Variants in TAS2R1 observed in about 807,000 individuals in gnomAD.
TAS2R1 encodes taste receptor type 2 member 1.
For missense variants in TAS2R1, 370 were observed against 353.4 expected, an observed-to-expected ratio of 1.05 and a Z score of -0.38; for synonymous variants, 141 against 134.2, an observed-to-expected ratio of 1.05 and a Z score of -0.35.
chr5:9,662,983 G>A (rs914463238), intron 1 of TAS2R1, among the ~76,000 whole-genome samples: 1 of 152,142 alleles, frequency 6.6e-6, no homozygotes, highest in Non-Finnish European at 1.5e-5. Flanking sequence ...CAAAGCTGTG[G>A]TAGTTAGGGC....
chr5:9,824,865 G>T, the TAS2R1 span, among the ~76,000 whole-genome samples: 1 of 150,920 alleles, frequency 6.6e-6, no homozygotes, highest in Admixed American at 6.6e-5. Flanking sequence ...AAAAGGCAGG[G>T]GGGAAGAGAA....
the TAS2R1 span, chr5:9,883,314 C>T: frequency 6.6e-6 from 1 of 152,188 alleles, no homozygotes; most frequent in Non-Finnish European, 1.5e-5. Context: ...TGTGGCAAAA[C>T]ACCATGGCAC....
At chr5:9,892,536 T>C in the TAS2R1 span, among the ~76,000 whole-genome samples, 1 of 152,114 alleles carries the variant, frequency 6.6e-6, no homozygotes, top group Non-Finnish European at 1.5e-5. Flanking sequence ...ACCAACTACA[T>C]AACAACCTCA....
the TAS2R1 span, among the ~76,000 whole-genome samples, chr5:9,811,826 G>A: frequency 2.0e-5 from 3 of 152,074 alleles, no homozygotes; most frequent in Non-Finnish European, 4.4e-5. Context: ...GGGCCCTTAT[G>A]ATGTGTTTCT....
At chr5:9,860,523 C>G in the TAS2R1 span, among the ~76,000 whole-genome samples, 197 of 152,326 alleles carry the variant, frequency 1.3e-3, no homozygotes, top group African/African-American at 4.5e-3. Flanking sequence ...AAGGAAGCTC[C>G]CTTTCAGTCA....
At chr5:9,879,798 C>T in the TAS2R1 span, among the ~76,000 whole-genome samples, 1 of 152,162 alleles carries the variant, frequency 6.6e-6, no homozygotes, top group African/African-American at 2.4e-5. Flanking sequence ...GAAATGTCTA[C>T]AGCTTTCCCC....
chr5:9,812,441 G>A, the TAS2R1 span, among the ~76,000 whole-genome samples: 1 of 152,066 alleles, frequency 6.6e-6, no homozygotes, highest in African/African-American at 2.4e-5. Flanking sequence ...TCCAGCAGAT[G>A]ATTGGGCTCT....
the TAS2R1 span, among the ~76,000 whole-genome samples, chr5:9,899,067 C>T: frequency 6.6e-6 from 1 of 152,150 alleles, no homozygotes; most frequent in Non-Finnish European, 1.5e-5. Flanking sequence ...GCCAACTAAC[C>T]ACCCTTAGGA....
chr5:9,895,251 A>G, the TAS2R1 span, among the ~76,000 whole-genome samples: 4 of 152,258 alleles, frequency 2.6e-5, no homozygotes, highest in Admixed American at 6.5e-5. Flanking sequence ...TGGAAAGCCA[A>G]CACATGAGGA....
intron 2 of TAS2R1, among the ~76,000 whole-genome samples, chr5:9,656,283 A>G (rs1740417525): frequency 6.6e-6 from 1 of 152,216 alleles, no homozygotes; most frequent in African/African-American, 2.4e-5. Flanking sequence ...TTCACTCACT[A>G]CTGGTAGAAG....
At chr5:9,869,729 A>C in the TAS2R1 span, among the ~76,000 whole-genome samples, 1 of 152,184 alleles carries the variant, frequency 6.6e-6, no homozygotes, top group African/African-American at 2.4e-5. Flanking sequence ...GAAAGTTTGC[A>C]CCTGGTTTCC....
the TAS2R1 span, among the ~76,000 whole-genome samples, chr5:9,762,451 C>CA: frequency 6.6e-6 from 1 of 152,188 alleles, no homozygotes; most frequent in African/African-American, 2.4e-5. Context: ...CACAGCATTC[C>CA]ACACGAAAAT....
upstream of TAS2R1, among the ~76,000 whole-genome samples, chr5:9,632,570 CTACT>C (rs762881401): frequency 6.6e-6 from 1 of 152,218 alleles, no homozygotes; most frequent in Non-Finnish European, 1.5e-5. Context: ...AACCGTGCCA[CTACT>C]TTATTAACTA....
At chr5:9,701,674 C>T (rs924914350) in intron 1 of TAS2R1, among the ~76,000 whole-genome samples, 1 of 152,176 alleles carries the variant, frequency 6.6e-6, no homozygotes, top group African/African-American at 2.4e-5. Context: ...ACTGCAAATA[C>T]TTTTGTAAAG....
At chr5:9,695,646 T>G (rs1431818523) in intron 1 of TAS2R1, among the ~76,000 whole-genome samples, 1 of 151,926 alleles carries the variant, frequency 6.6e-6, no homozygotes, top group African/African-American at 2.4e-5. Flanking sequence ...AATTGCCAGG[T>G]CTCCACGACT....
chr5:9,666,532 A>G (rs1299347803), intron 1 of TAS2R1, among the ~76,000 whole-genome samples: 1 of 152,190 alleles, frequency 6.6e-6, no homozygotes, highest in Non-Finnish European at 1.5e-5. Context: ...TGAAAGCCTG[A>G]TTTCTTCCTT....
At chr5:9,698,086 A>C (rs1043960421) in intron 1 of TAS2R1, among the ~76,000 whole-genome samples, 1 of 152,188 alleles carries the variant, frequency 6.6e-6, no homozygotes, top group Non-Finnish European at 1.5e-5. Context: ...TATTTTCACA[A>C]ACATTAGTAA....
At chr5:9,819,699 G>A in the TAS2R1 span, among the ~76,000 whole-genome samples, 4 of 152,260 alleles carry the variant, frequency 2.6e-5, no homozygotes, top group South Asian at 8.3e-4. Context: ...GACATGAGGT[G>A]CATTAAAGCA....
chr5:9,823,019 CA>C, the TAS2R1 span, among the ~76,000 whole-genome samples: 36,816 of 114,070 alleles, frequency 0.32, 5,487 homozygotes, highest in Non-Finnish European at 0.4. Flanking sequence ...TCCTCTCCAC[CA>C]AAAAAAAAAA....
Sources: allele counts gnomAD v4.1 joint callset (sites outside exome capture counted in the v4.1 genomes callset), GRCh38; gene constraint gnomAD v4.1.1; transcripts MANE v1.5; gene names NCBI Gene and HGNC (gene_info 2026-07-23, HGNC 2026-07-21).